Variants in LRRC71 observed in about 807,000 individuals in gnomAD.
LRRC71 encodes leucine-rich repeat-containing protein 71.
In LRRC71, 54 loss-of-function variants were observed where a neutral mutation model predicts 66.6. That is an observed-to-expected ratio of 0.81 (90% CI 0.65 to 1.02). The LOEUF is 1.02. Ranked by LOEUF, LRRC71 falls within the 50% of genes least tolerant of loss-of-function variation. The probability of loss-of-function intolerance (pLI) is 0.00; values close to 1 mark genes in which losing one functional copy is unlikely to be tolerated. For missense variants in LRRC71, 724 were observed against 718.0 expected, an observed-to-expected ratio of 1.01 and a Z score of -0.10; for synonymous variants, 323 against 303.9, an observed-to-expected ratio of 1.06 and a Z score of -0.65.
the LRRC71 span, chr1:156,938,540 AGAG>A: frequency 1.9e-6 from 3 of 1,606,742 alleles, no homozygotes; most frequent in Non-Finnish European, 2.6e-6. Flanking sequence ...ACCACCAGGA[AGAG>A]GAGAGACCAA....
At position 156,927,224 on chromosome 1, in the gene LRRC71, C is replaced by T. The variant is rs746220287; in HGVS notation, c.616C>T (p.Pro206Ser). ...CAGGAAGGTGTCTCTGGAGGGGAAC[C>T]CACTGCCGGAGCAGTCCTATCACAA... The part of the protein sequence containing the change: ...TLRKVSLEGN[P>S]LPEQSYHKLM... The change falls in exon 6 of 15, where the codon CCA becomes TCA. Residue 206 changes from proline to serine, a missense_variant. Pro to Ser is a moderately conservative substitution (Grantham distance 74). Transcript: ENST00000337428. 6.2e-7 allele frequency: 1 copy of T among 1,613,494 alleles called. No individual in the cohort carries two copies. The highest frequency in any genetic ancestry group is 8.5e-7 in the Non-Finnish European group (1 of 1,179,714).
intron 11 of LRRC71, among the ~76,000 whole-genome samples, chr1:156,929,942 T>C (rs1315031156): frequency 6.6e-6 from 1 of 152,220 alleles, no homozygotes; most frequent in Non-Finnish European, 1.5e-5. Context: ...ATTCCCTTTG[T>C]TGGAGCTGGA....
At chr1:156,923,474 G>C (rs1312084418) in intron 1 of LRRC71, among the ~76,000 whole-genome samples, 1 of 152,268 alleles carries the variant, frequency 6.6e-6, no homozygotes, top group Non-Finnish European at 1.5e-5. Context: ...CAGGGGAAAT[G>C]TTAAATAAAA....
intron 9 of LRRC71, 83 bp from the exon 10 acceptor site, chr1:156,929,197 G>C: frequency 6.7e-7 from 1 of 1,492,880 alleles, no homozygotes; most frequent in South Asian, 1.3e-5. Context: ...TGCTCCCCAA[G>C]TATGGGTATA....
chr1:156,934,456 T>C (rs1317368402), downstream of LRRC71, among the ~76,000 whole-genome samples: 1 of 152,148 alleles, frequency 6.6e-6, no homozygotes, highest in Non-Finnish European at 1.5e-5. Context: ...TTTAAAGTCT[T>C]CAAGCTCATT....
intron 11 of LRRC71, among the ~76,000 whole-genome samples, chr1:156,929,996 G>A (rs1395074057): frequency 6.6e-6 from 1 of 150,754 alleles, no homozygotes; most frequent in Non-Finnish European, 1.5e-5. Context: ...CCTAGCTGGG[G>A]CCCCCTCCAG....
At chr1:156,927,469 C>A (rs1297371699) in intron 6 of LRRC71, 27 bp from the exon 7 acceptor site, 1 of 1,519,778 alleles carries the variant, frequency 6.6e-7, no homozygotes, top group Admixed American at 2.1e-5. Flanking sequence ...TTTCCAGCGA[C>A]CCACATTCTC....
the LRRC71 span, chr1:156,938,324 G>A: frequency 1.7e-6 from 2 of 1,148,638 alleles, no homozygotes; most frequent in Non-Finnish European, 2.5e-6. Flanking sequence ...GCTTGTGGGT[G>A]TGTGTGTGAC....
intron 9 of LRRC71, among the ~76,000 whole-genome samples, chr1:156,928,337 TTTC>T (rs777984730): frequency 1.3e-5 from 2 of 151,994 alleles, no homozygotes; most frequent in Non-Finnish European, 2.9e-5. Context: ...TTCTTTTTTC[TTTC>T]TTCTTTCTTT....
chr1:156,940,367 C>G, the LRRC71 span: 1 of 1,613,552 alleles, frequency 6.2e-7, no homozygotes, highest in Non-Finnish European at 8.5e-7. Context: ...TGCCCTCCTG[C>G]TCAGGGTCCT....
At chr1:156,932,674 T>C in intron 14 of LRRC71, 129 bp downstream of exon 14, 2 of 1,595,902 alleles carry the variant, frequency 1.3e-6, no homozygotes, top group Non-Finnish European at 1.7e-6. Flanking sequence ...TGCTTCTTTT[T>C]AATAATCACA....
intron 11 of LRRC71, among the ~76,000 whole-genome samples, chr1:156,930,312 C>T (rs1392092312): frequency 1.3e-5 from 2 of 151,816 alleles, no homozygotes; most frequent in Admixed American, 1.3e-4. Context: ...AGGCTGGTTG[C>T]GAACTCCTGA....
At chr1:156,939,733 T>C in the LRRC71 span, 2 of 1,614,076 alleles carry the variant, frequency 1.2e-6, no homozygotes, top group South Asian at 1.1e-5. Flanking sequence ...AAGCTGGGTG[T>C]TGTCCCCTTC....
chr1:156,932,782 A>ATTT, intron 14 of LRRC71, 71 bp from the exon 15 acceptor site: 106 of 1,179,362 alleles, frequency 9.0e-5, no homozygotes, highest in East Asian at 2.2e-4. Flanking sequence ...CCCCAGGACC[A>ATTT]TTTTTTTTTT....
At position 156,920,651 on chromosome 1, in the gene LRRC71, C is replaced by A; in HGVS notation, c.-153C>A. On this transcript the variant is annotated 5_prime_UTR_variant, in exon 1 of 15. Transcript: ENST00000337428. The surrounding 1 kb of genome is among the most constrained non-coding windows in gnomAD (Gnocchi z 4.9). The stretch of plus-strand genomic sequence containing the variant: ...CGCGCGGTTGTCTTGGAGAGGGACG[C>A]GTAGGCTACGCCACCGCGGACGGGT... 1.0e-6 allele frequency: 1 copy of A among 966,656 alleles called. No homozygotes were observed. The highest frequency in any genetic ancestry group is 1.4e-6 in the Non-Finnish European group (1 of 724,842). The allele number at this position is 966,656 out of a possible 1,614,324, so 59.9% of individuals were successfully genotyped here. A position where few individuals can be genotyped will look rare whatever the true frequency, so the allele number is the denominator to read the frequency against.
chr1:156,924,564 T>TGC lies in LRRC71; in HGVS notation c.439+12_439+13insGC. The TGC allele has an allele frequency of 2.0e-5, 31 of 1,530,534 alleles. No homozygotes were observed. Among genetic ancestry groups the TGC allele is most frequent in the East Asian group, 2.5e-5 (1 of 40,010 alleles). 94.8% of individuals were successfully genotyped at this position (1,530,534 alleles called of 1,614,324 possible). On this transcript the variant is annotated intron_variant, in intron 3 of 14. Transcript: ENST00000337428. ...AATCTACATCCGCGGTGAGCCCCGCTCCCCCCACCCGCCCCAGCTCCCTCC... is the reference window on the plus strand; with the variant it reads ...AATCTACATCCGCGGTGAGCCCCGCTGCCCCCCCACCCGCCCCAGCTCCCTCC...
Position 156,932,432 on chromosome 1 carries a change from A to C in LRRC71, c.1450A>C (p.Ile484Leu), listed in dbSNP as rs192334273. The change falls in exon 14 of 15, where the codon ATC becomes CTC. Residue 484 changes from isoleucine to leucine, a missense_variant. Ile to Leu is a conservative substitution (Grantham distance 5). Transcript: ENST00000337428. The stretch of plus-strand genomic sequence containing the variant: ...TCTGTAACTTCCACCAGGGAACCGC[A>C]TCACAGAGGTGGGGCTGGAGGGCTT... Reference protein sequence around the residue: ...LLHLNLIRNRITEVGLEGFLA... With the variant: ...LLHLNLIRNRLTEVGLEGFLA... 14 of 1,613,108 alleles carry C rather than the reference A, an allele frequency of 8.7e-6. No homozygotes were observed. In the East Asian group the frequency reaches 3.1e-4, roughly 36 times the overall value.
downstream of LRRC71, among the ~76,000 whole-genome samples, chr1:156,934,419 A>G (rs1400914927): frequency 6.6e-6 from 1 of 152,154 alleles, no homozygotes; most frequent in African/African-American, 2.4e-5. Flanking sequence ...GCCAGGCCTG[A>G]GGCAACCCTC....
In LRRC71 at chr1:156,920,814, A is replaced by AGCAGAG. The variant is rs1434095578; in HGVS notation, c.12_17dup (p.Gln5_Ser6insArgGln). 6 of 1,527,116 alleles carry AGCAGAG rather than the reference A, an allele frequency of 3.9e-6. No individual in the cohort carries two copies. The highest frequency in any genetic ancestry group is 4.2e-5 in the Admixed American group (2 of 47,716). 94.6% of individuals were successfully genotyped at this position (1,527,116 alleles called of 1,614,324 possible). On this transcript the variant is annotated inframe_insertion, in exon 1 of 15. Coordinates refer to ENST00000337428, the MANE Select transcript of LRRC71 (RefSeq NM_144702.3). The surrounding 1 kb of genome is among the most constrained non-coding windows in gnomAD (Gnocchi z 4.9). The stretch of plus-strand genomic sequence containing the variant: ...GCGGACAACACCAGCATGTCGAGCG[A>AGCAGAG]GCAGAGCGCGCCGGGGGCCTCACCC...
Sources: gnomAD v4.1 joint callset for allele counts (sites outside exome capture counted in the v4.1 genomes callset) on GRCh38, gnomAD v4.1.1 for gene constraint, Gnocchi (gnomAD v3.1) non-coding constraint, MANE v1.5 for transcripts, NCBI Gene and HGNC (gene_info 2026-07-23, HGNC 2026-07-21) for gene names.